The following SORL1 variants were observed in gnomAD, a reference collection of about 807,000 sequenced individuals.
The protein encoded by SORL1 is sortilin related receptor 1.
A neutral mutation model predicts 273.7 loss-of-function variants in SORL1; 127 were observed. The ratio of observed to expected loss-of-function variants is 0.46; its 90% CI spans 0.40 to 0.54. SORL1 has a LOEUF of 0.54. Ranked by LOEUF, SORL1 falls within the 20% of genes least tolerant of loss-of-function variation. SORL1 has a pLI of 0.00. For synonymous variants in SORL1, 1,031 were observed against 1,067.4 expected (o/e 0.97, Z 0.66); for missense variants, 2,494 against 2,846.1 (o/e 0.88, Z 2.81).
At position 121,545,409 on chromosome 11, in the gene SORL1, C is replaced by T; in HGVS notation, c.2031C>T (p.Cys677=). The T allele has an allele frequency of 6.2e-7, 1 of 1,614,122 alleles. No homozygotes were observed. Among genetic ancestry groups the T allele is most frequent in the Non-Finnish European group, 8.5e-7 (1 of 1,179,986 alleles). ...CGGTGGTCGTGTCCAACTGCTCCTG[C>T]ACCCGGGAGGACTATGAGTGGTCAG... ...DRPVVVSNCS[C]TREDYECDFG... is the part of the protein sequence containing the mutation. The change falls in exon 14 of 48, where the codon TGC becomes TGT. Residue 677 remains cysteine (C), a synonymous_variant. Transcript: ENST00000260197.
At chr11:121,505,900 G>A (rs908353812) in intron 6 of SORL1, among the ~76,000 whole-genome samples, 1 of 152,176 alleles carries the variant, frequency 6.6e-6, no homozygotes, top group African/African-American at 2.4e-5. Context: ...TGAAACATGT[G>A]CTTTGAGAAG....
chr11:121,574,586 A>T (rs1354091105), intron 24 of SORL1, among the ~76,000 whole-genome samples: 2 of 152,000 alleles, frequency 1.3e-5, no homozygotes, highest in Non-Finnish European at 2.9e-5. Flanking sequence ...TTCGCTGGAG[A>T]CACTTGCGAA....
intron 3 of SORL1, among the ~76,000 whole-genome samples, chr11:121,482,302 A>G (rs1861403193): frequency 6.6e-6 from 1 of 152,110 alleles, no homozygotes. Context: ...TGGGGGTGAC[A>G]TGTTTGCATC....
chr11:121,468,993 G>A (rs911642317), intron 1 of SORL1, among the ~76,000 whole-genome samples: 2 of 152,202 alleles, frequency 1.3e-5, no homozygotes, highest in East Asian at 1.9e-4. Flanking sequence ...GGTGAGCTGC[G>A]TAACAGACAA....
intron 11 of SORL1, among the ~76,000 whole-genome samples, chr11:121,529,141 G>A (rs867077822): frequency 6.6e-6 from 1 of 151,958 alleles, no homozygotes; most frequent in Non-Finnish European, 1.5e-5. Flanking sequence ...TTTATCTATT[G>A]TAATGCCATG....
intron 33 of SORL1, 124 bp from the exon 34 acceptor site, chr11:121,604,989 T>C: frequency 1.5e-6 from 1 of 684,244 alleles, no homozygotes; most frequent in Non-Finnish European, 2.4e-6. Context: ...CAGGCCAGTC[T>C]CGAACTCCTG....
chr11:121,514,195 G>A lies in SORL1; in HGVS notation c.1085G>A (p.Cys362Tyr). The change falls in exon 8 of 48, where the codon TGT becomes TAT. Residue 362 changes from cysteine (C) to tyrosine (Y), a missense_variant. Physicochemically the swap from Cys to Tyr is radical, Grantham distance 194. Transcript: ENST00000260197. Reference sequence around the variant, plus strand: ...GCCTCCGAGGACCAGGTGTTTGTGTGTGTCAGCCACAGTAACAACCGCACC... The same window carrying A: ...GCCTCCGAGGACCAGGTGTTTGTGTATGTCAGCCACAGTAACAACCGCACC... The part of the protein sequence containing the change: ...ADASEDQVFV[C>Y]VSHSNNRTNL... 1 of 1,614,208 alleles carries A rather than the reference G, an allele frequency of 6.2e-7. No homozygotes were observed. Among genetic ancestry groups the A allele is most frequent in the Non-Finnish European group, 8.5e-7 (1 of 1,180,026 alleles).
intron 21 of SORL1, among the ~76,000 whole-genome samples, chr11:121,564,073 C>T (rs192933345): frequency 7.4e-4 from 113 of 152,294 alleles, no homozygotes; most frequent in African/African-American, 2.6e-3. Flanking sequence ...GTTTGATCTT[C>T]TAAGGGAATG....
intron 27 of SORL1, among the ~76,000 whole-genome samples, chr11:121,587,064 AT>A (rs1382704875): frequency 2.0e-5 from 3 of 152,186 alleles, no homozygotes; most frequent in African/African-American, 7.2e-5. Flanking sequence ...TTGTTTACAT[AT>A]TGTATATGGC....
chr11:121,561,415 C>T (rs1258807861), intron 21 of SORL1, among the ~76,000 whole-genome samples: 1 of 152,174 alleles, frequency 6.6e-6, no homozygotes, highest in African/African-American at 2.4e-5. Context: ...CTGCAATCCT[C>T]ACCTTAGGTG....
At chr11:121,513,208 G>A in intron 7 of SORL1, 104 bp downstream of exon 7, 1 of 852,534 alleles carries the variant, frequency 1.2e-6, no homozygotes, top group Non-Finnish European at 2.0e-6. Context: ...ATATTTTATG[G>A]CGCCTCCCTG....
chr11:121,488,665 C>T (rs942665458), intron 4 of SORL1, among the ~76,000 whole-genome samples: 7 of 152,060 alleles, frequency 4.6e-5, no homozygotes, highest in South Asian at 2.1e-4. Flanking sequence ...CGAGTGCGTG[C>T]GTGTGTATCA....
At chr11:121,549,536 T>C (rs1446369773) in intron 14 of SORL1, among the ~76,000 whole-genome samples, 1 of 152,190 alleles carries the variant, frequency 6.6e-6, no homozygotes, top group Non-Finnish European at 1.5e-5. Flanking sequence ...CCCAAATAAT[T>C]TTTTAAAAAG....
chr11:121,615,833 C>T (rs753875529), intron 41 of SORL1, among the ~76,000 whole-genome samples: 5 of 152,112 alleles, frequency 3.3e-5, no homozygotes, highest in South Asian at 2.1e-4. Context: ...ATATAAAATC[C>T]GATAAACCCC....
rs1368800890 is a variant in SORL1 at position 121,532,461 on chromosome 11, C to T, written c.1597-3C>T. 1 of 1,613,998 alleles carries T rather than the reference C, an allele frequency of 6.2e-7. No individual in the cohort carries two copies. The highest frequency in any genetic ancestry group is 8.5e-7 in the Non-Finnish European group (1 of 1,179,896). On this transcript the variant is annotated splice_region_variant and splice_polypyrimidine_tract_variant and intron_variant, in intron 11 of 47. Coordinates refer to ENST00000260197, the MANE Select transcript of SORL1 (RefSeq NM_003105.6). ...GGTGTCACCATGGATTTTTCCTCTTCAGGCACTTCCTGGACCTCACTACTA... is the reference window on the plus strand; with the variant it reads ...GGTGTCACCATGGATTTTTCCTCTTTAGGCACTTCCTGGACCTCACTACTA...
At chr11:121,490,199 G>T in intron 5 of SORL1, 89 bp downstream of exon 5, 1 of 840,938 alleles carries the variant, frequency 1.2e-6, no homozygotes, top group Non-Finnish European at 2.1e-6. Flanking sequence ...GCCCTCCCCT[G>T]AAATGTCCAG....
At chr11:121,590,480 C>A (rs909231451) in intron 30 of SORL1, 2 of 497,748 alleles carry the variant, frequency 4.0e-6, no homozygotes, top group Non-Finnish European at 7.2e-6. Flanking sequence ...AATGTAGAAT[C>A]TCTGACCTCA....
intron 6 of SORL1, among the ~76,000 whole-genome samples, chr11:121,509,154 G>A (rs552912210): frequency 2.9e-4 from 44 of 151,018 alleles, no homozygotes; most frequent in African/African-American, 9.5e-4. Context: ...AGGTGGATGA[G>A]GATGTTTTGC....
At chr11:121,628,493 T>C (rs921440413) in intron 47 of SORL1, among the ~76,000 whole-genome samples, 2 of 152,160 alleles carry the variant, frequency 1.3e-5, no homozygotes, top group African/African-American at 4.8e-5. Context: ...GCTCAGGCTG[T>C]AATGCTCTGA....
Sources: gnomAD v4.1 joint callset for allele counts (sites outside exome capture counted in the v4.1 genomes callset) on GRCh38, gnomAD v4.1.1 for gene constraint, MANE v1.5 for transcripts, NCBI Gene and HGNC (gene_info 2026-07-23, HGNC 2026-07-21) for gene names.